PRELID2: variants seen among roughly 807,000 people sequenced by gnomAD.
PRELID2 encodes PRELI domain-containing protein 2.
PRELID2 carries 25 observed loss-of-function variants against 28.4 expected under a neutral mutation model. The observed-to-expected ratio is 0.88, with a 90% CI of 0.64 to 1.23. The LOEUF is 1.23. PRELID2 is among the 50% of genes most tolerant of loss of function. The pLI is 0.00. For synonymous variants in PRELID2, 76 were observed against 71.6 expected, an observed-to-expected ratio of 1.06 and a Z score of -0.31; for missense variants, 201 against 214.4, an observed-to-expected ratio of 0.94 and a Z score of 0.39.
At chr5:145,247,648 T>C in the PRELID2 span, among the ~76,000 whole-genome samples, 1 of 152,152 alleles carries the variant, frequency 6.6e-6, no homozygotes, top group African/African-American at 2.4e-5. Flanking sequence ...TGCCCAGGCC[T>C]GCAGCAGAGA....
the PRELID2 span, among the ~76,000 whole-genome samples, chr5:145,235,298 A>G: frequency 6.6e-6 from 1 of 152,282 alleles, no homozygotes; most frequent in East Asian, 1.9e-4. Flanking sequence ...CTGTGATTGT[A>G]GCATGTTCTT....
chr5:145,344,539 C>T, the PRELID2 span, among the ~76,000 whole-genome samples: 2 of 151,892 alleles, frequency 1.3e-5, no homozygotes, highest in African/African-American at 2.4e-5. Flanking sequence ...AAATATTTTG[C>T]CTATATAACT....
chr5:145,371,382 T>C, the PRELID2 span, among the ~76,000 whole-genome samples: 1 of 152,110 alleles, frequency 6.6e-6, no homozygotes, highest in East Asian at 1.9e-4. Context: ...CATGTGATTT[T>C]GTCTTGGTTT....
chr5:145,539,176 G>A (rs1341822523), intron 1 of PRELID2, among the ~76,000 whole-genome samples: 1 of 151,978 alleles, frequency 6.6e-6, no homozygotes, highest in African/African-American at 2.4e-5. Context: ...TATATAACAC[G>A]TGGGGTATGA....
At chr5:145,298,716 T>C in the PRELID2 span, among the ~76,000 whole-genome samples, 1 of 152,104 alleles carries the variant, frequency 6.6e-6, no homozygotes, top group Non-Finnish European at 1.5e-5. Flanking sequence ...TCCAGAACTG[T>C]GAGCCAATAA....
intron 1 of PRELID2, among the ~76,000 whole-genome samples, chr5:145,825,338 T>C (rs1243461597): frequency 6.7e-6 from 1 of 149,138 alleles, no homozygotes. Context: ...CAGGTTTAGA[T>C]ACTCTGCTCC....
rs1757341473 is a variant in PRELID2 at position 145,758,862 on chromosome 5, T to C, written c.*1674A>G. Among the ~76,000 whole-genome samples, 1 of 151,698 alleles carries C rather than the reference T, an allele frequency of 6.6e-6. No individual in the cohort carries two copies. On this transcript the variant is annotated 3_prime_UTR_variant, in exon 7 of 7. Transcript: ENST00000683046. ...GGCAGCACAAAGAGCTCAGATACAA[T>C]AAGAACAGGCTCACAGTGGCAGGCT...
chr5:145,242,459 G>A, the PRELID2 span, among the ~76,000 whole-genome samples: 3 of 151,970 alleles, frequency 2.0e-5, no homozygotes, highest in Admixed American at 6.6e-5. Flanking sequence ...CCCACAGGAG[G>A]GGATACTGTA....
intron 1 of PRELID2, chr5:145,703,828 C>T (rs562415308): frequency 6.6e-6 from 1 of 152,212 alleles, no homozygotes; most frequent in African/African-American, 2.4e-5. Flanking sequence ...CTCTTCCCAG[C>T]AAGTCTCAAA....
the PRELID2 span, among the ~76,000 whole-genome samples, chr5:145,387,403 G>T: frequency 1.3e-5 from 2 of 152,050 alleles, no homozygotes; most frequent in African/African-American, 4.8e-5. Flanking sequence ...AGAAGTGAGG[G>T]TAATGTGGGC....
At chr5:145,446,649 G>A in the PRELID2 span, among the ~76,000 whole-genome samples, 1 of 152,040 alleles carries the variant, frequency 6.6e-6, no homozygotes, top group Non-Finnish European at 1.5e-5. Context: ...GGGAAAGGGA[G>A]AGATTAACAA....
At chr5:145,587,291 A>G (rs1303567847) in intron 1 of PRELID2, among the ~76,000 whole-genome samples, 1 of 152,128 alleles carries the variant, frequency 6.6e-6, no homozygotes, top group Non-Finnish European at 1.5e-5. Flanking sequence ...TTCTGTAAAA[A>G]CAGTCCTCGA....
chr5:145,341,239 C>G, the PRELID2 span, among the ~76,000 whole-genome samples: 1 of 151,864 alleles, frequency 6.6e-6, no homozygotes, highest in African/African-American at 2.4e-5. Context: ...CAATAATTCT[C>G]TAGCAACAGA....
intron 4 of PRELID2, among the ~76,000 whole-genome samples, chr5:145,814,776 AT>A (rs1217933716): frequency 6.6e-6 from 1 of 152,206 alleles, no homozygotes; most frequent in Non-Finnish European, 1.5e-5. Context: ...CACTATTAAC[AT>A]TTAGTGCTTA....
chr5:145,680,405 C>T (rs1232613761), intron 1 of PRELID2, among the ~76,000 whole-genome samples: 1 of 152,184 alleles, frequency 6.6e-6, no homozygotes, highest in Non-Finnish European at 1.5e-5. Flanking sequence ...ACTACCTGAT[C>T]CCTGCCACAA....
At chr5:145,509,955 CGTT>C (rs1177631909) in intron 1 of PRELID2, among the ~76,000 whole-genome samples, 4 of 152,062 alleles carry the variant, frequency 2.6e-5, no homozygotes, top group Non-Finnish European at 5.9e-5. Context: ...CACCTGCTCT[CGTT>C]GTTAAGTAAT....
intron 1 of PRELID2, among the ~76,000 whole-genome samples, chr5:145,511,837 G>A (rs535322941): frequency 3.1e-4 from 47 of 152,252 alleles, no homozygotes; most frequent in African/African-American, 1.1e-3. Context: ...AAGAGAAACT[G>A]GAAAATAAAG....
intron 1 of PRELID2, among the ~76,000 whole-genome samples, chr5:145,579,555 G>A (rs1020995208): frequency 6.6e-6 from 1 of 152,106 alleles, no homozygotes; most frequent in African/African-American, 2.4e-5. Context: ...ATTTAACTAT[G>A]TGGCCTGCAT....
At chr5:145,782,351 AC>A (rs921558552) in intron 5 of PRELID2, among the ~76,000 whole-genome samples, 2 of 152,168 alleles carry the variant, frequency 1.3e-5, no homozygotes, top group African/African-American at 4.8e-5. Context: ...CTGGCTGATG[AC>A]TTTGTGCAAG....
Sources: allele counts gnomAD v4.1 joint callset (sites outside exome capture counted in the v4.1 genomes callset), GRCh38; gene constraint gnomAD v4.1.1; transcripts MANE v1.5; gene names NCBI Gene and HGNC (gene_info 2026-07-23, HGNC 2026-07-21).